Variants in IGDCC4 observed in about 807,000 individuals in gnomAD.
The protein encoded by IGDCC4 is immunoglobulin superfamily DCC subclass member 4.
Under a neutral mutation model 116.6 loss-of-function variants are expected in IGDCC4, and 72 were observed. The observed-to-expected ratio is 0.62, with a 90% CI of 0.51 to 0.75. The LOEUF (loss-of-function observed/expected upper bound fraction) is 0.75. Among genes scored for constraint, IGDCC4 ranks in the 30% least tolerant of loss-of-function variants. The pLI is 0.00. For missense variants in IGDCC4, 1,501 were observed against 1,662.4 expected (o/e 0.90, Z 1.69); for synonymous variants, 709 against 719.9 (o/e 0.98, Z 0.24).
chr15:65,386,473 C>T, intron 17 of IGDCC4, 78 bp downstream of exon 17: 1 of 1,268,968 alleles, frequency 7.9e-7, no homozygotes, highest in Non-Finnish European at 1.1e-6. Flanking sequence ...AAGTCATGGC[C>T]ACTTTCCCTG....
Position 65,385,950 on chromosome 15 carries a change from G to A in IGDCC4, c.3061C>T (p.Leu1021Phe), listed in dbSNP as rs1567079145. The change falls in exon 18 of 20, where the codon CTT (leucine) becomes TTT (phenylalanine). Residue 1021 changes from leucine (L) to phenylalanine (F), a missense_variant. By Grantham distance (22) the Leu-to-Phe change is conservative. Coordinates refer to ENST00000352385, the MANE Select transcript of IGDCC4 (RefSeq NM_020962.3). Reference protein sequence around the residue: ...SPPAAHELESLVHPHPQDWSP... With the variant: ...SPPAAHELESFVHPHPQDWSP... ...CAGTCCTGGGGATGGGGGTGCACAA[G>A]GGACTCCAATTCATGGGCAGCTGGG... 1.3e-5 allele frequency: 21 copies of A among 1,607,200 alleles called. No homozygotes were observed. Among genetic ancestry groups the A allele is most frequent in the Non-Finnish European group, 1.8e-5 (21 of 1,177,128 alleles).
intron 3 of IGDCC4, among the ~76,000 whole-genome samples, chr15:65,407,815 T>A (rs1201990990): frequency 2.0e-5 from 3 of 149,736 alleles, no homozygotes; most frequent in Non-Finnish European, 4.4e-5. Flanking sequence ...TTTTTTTTTT[T>A]AGTAGAGATA....
chr15:65,422,314 T>C (rs1044318319), intron 1 of IGDCC4, among the ~76,000 whole-genome samples: 1 of 151,802 alleles, frequency 6.6e-6, no homozygotes, highest in Non-Finnish European at 1.5e-5. Context: ...CTCAGCCCCA[T>C]AAACACAATT....
In IGDCC4 at chr15:65,411,171, AT is replaced by A; in HGVS notation, c.269del (p.Asn90MetfsTer10). The A allele has an allele frequency of 6.2e-7, 1 of 1,614,178 alleles. No individual in the cohort carries two copies. The highest frequency in any genetic ancestry group is 8.5e-7 in the Non-Finnish European group (1 of 1,180,028). On this transcript the variant is annotated frameshift_variant, in exon 2 of 20. Transcript: ENST00000352385. LOFTEE classifies it high-confidence loss of function. Reference protein sequence around the residue: ...LEHDHLHLLPNGSLWLSQPLA... With the variant: ...LEHDHLHLLPXGSLWLSQPLA... ...GTGGCTGGGACAGCCACAGGGAACCATTGGGCAGCAGGTGTAAGTGGTCGTG... is the reference window on the plus strand; with the variant it reads ...GTGGCTGGGACAGCCACAGGGAACCATGGGCAGCAGGTGTAAGTGGTCGTG...
intron 1 of IGDCC4, among the ~76,000 whole-genome samples, chr15:65,418,829 G>T (rs571430907): frequency 5.9e-5 from 9 of 152,176 alleles, no homozygotes; most frequent in Middle Eastern, 3.4e-3. Flanking sequence ...AGGTGGGGGG[G>T]GTTAAGTGGA....
Position 65,395,967 on chromosome 15 carries a change from C to A in IGDCC4, c.1194G>T (p.Gln398His). Residue 398 changes from glutamine to histidine, a missense_variant, in exon 7 of 20, where the codon CAG (glutamine) becomes CAT (histidine). Transcript: ENST00000352385. ...GSLVITQIGL[Q>H]DAGYYQCVAE... ...CCACGCACTGGTAGTAGCCGGCGTC[C>A]TGCAGGCCGATCTGTGTGATGACCA... 6.3e-7 allele frequency: 1 copy of A among 1,583,364 alleles called. No homozygotes were observed. Among genetic ancestry groups the A allele is most frequent in the Non-Finnish European group, 8.5e-7 (1 of 1,172,596 alleles).
At chr15:65,386,364 GCTCCCCTAAGTCCA>G (rs1327330886) in intron 17 of IGDCC4, among the ~76,000 whole-genome samples, 173 bp downstream of exon 17, 1 of 152,134 alleles carries the variant, frequency 6.6e-6, no homozygotes, top group Admixed American at 6.5e-5. Flanking sequence ...GTAGGCTGGG[GCTCCCCTAAGTCCA>G]CTCCCCATTC....
At position 65,382,988 on chromosome 15, in the gene IGDCC4, AG is replaced by A. The variant is rs2091415233; in HGVS notation, c.*1020del. 1 of 152,496 alleles carries A rather than the reference AG, an allele frequency of 6.6e-6. No individual in the cohort carries two copies. Among genetic ancestry groups the A allele is most frequent in the South Asian group, 2.1e-4 (1 of 4,826 alleles). The allele number at this position is 152,496 out of a possible 1,614,324, so 9.4% of individuals were successfully genotyped here. A position where few individuals can be genotyped will look rare whatever the true frequency, so the allele number is the denominator to read the frequency against. ...GAGAACCCTTGGATCCCAATCCCAA[AG>A]GCAAGATGCAGGGAAGCCAGAAGAT... On this transcript the variant is annotated 3_prime_UTR_variant, in exon 20 of 20. Transcript: ENST00000352385.
intron 3 of IGDCC4, among the ~76,000 whole-genome samples, chr15:65,403,891 A>G (rs759932046): frequency 7.2e-5 from 11 of 152,134 alleles, no homozygotes; most frequent in Non-Finnish European, 1.2e-4. Flanking sequence ...TGGAGACCAG[A>G]GTGGGCTCCG....
intron 1 of IGDCC4, among the ~76,000 whole-genome samples, chr15:65,412,758 C>A (rs1158100463): frequency 6.6e-6 from 1 of 151,840 alleles, no homozygotes. Context: ...CACAGGGAGA[C>A]CTCATCATTA....
At chr15:65,387,733 C>A (rs1415650527) in intron 16 of IGDCC4, among the ~76,000 whole-genome samples, 1 of 151,624 alleles carries the variant, frequency 6.6e-6, no homozygotes, top group East Asian at 1.9e-4. Context: ...GCCAGTCCTG[C>A]TGTCCACCTC....
intron 3 of IGDCC4, among the ~76,000 whole-genome samples, chr15:65,407,885 C>T (rs1002828637): frequency 1.3e-5 from 2 of 151,270 alleles, no homozygotes; most frequent in Non-Finnish European, 2.9e-5. Context: ...CCGCCCGCCT[C>T]AGCCTCCCAA....
intron 16 of IGDCC4, 21 bp downstream of exon 16, chr15:65,388,428 T>C (rs1203894799): frequency 1.2e-6 from 2 of 1,613,816 alleles, no homozygotes; most frequent in African/African-American, 1.3e-5. Flanking sequence ...CAGGGAAACC[T>C]GGGCTGCCCT....
chr15:65,388,717 C>G, intron 15 of IGDCC4, 91 bp downstream of exon 15: 2 of 1,595,942 alleles, frequency 1.3e-6, no homozygotes, highest in Non-Finnish European at 1.7e-6. Flanking sequence ...TCCCAGTAGC[C>G]CCTGGAACAA....
At chr15:65,399,203 A>G (rs923361039) in intron 5 of IGDCC4, among the ~76,000 whole-genome samples, 1 of 151,466 alleles carries the variant, frequency 6.6e-6, no homozygotes, top group African/African-American at 2.4e-5. Flanking sequence ...GGGCGCAGTG[A>G]CTCATGGCTG....
intron 3 of IGDCC4, among the ~76,000 whole-genome samples, chr15:65,403,202 G>A (rs140556029): frequency 2.6e-4 from 39 of 152,300 alleles, no homozygotes; most frequent in East Asian, 3.9e-4. Context: ...GGGTACATTC[G>A]CACAATGGAA....
At position 65,395,160 on chromosome 15, in the gene IGDCC4, C is replaced by G; in HGVS notation, c.1510G>C (p.Val504Leu). The change falls in exon 8 of 20, where the codon GTG becomes CTG. Residue 504 changes from valine to leucine, a missense_variant. Val to Leu is a conservative substitution (Grantham distance 32). Coordinates refer to ENST00000352385, the MANE Select transcript of IGDCC4 (RefSeq NM_020962.3). Reference protein sequence around the residue: ...EPNTDYEFYVVAYSQLGASRT... With the variant: ...EPNTDYEFYVLAYSQLGASRT... The stretch of plus-strand genomic sequence containing the variant: ...CTGGCTCCCAGCTGGGAGTAGGCCA[C>G]CACGTAGAACTCATAATCTGTGTTG... 6.2e-7 allele frequency: 1 copy of G among 1,613,942 alleles called. No individual in the cohort carries two copies. The highest frequency in any genetic ancestry group is 8.5e-7 in the Non-Finnish European group (1 of 1,179,916).
At chr15:65,419,666 G>T (rs2063172979) in intron 1 of IGDCC4, among the ~76,000 whole-genome samples, 1 of 152,168 alleles carries the variant, frequency 6.6e-6, no homozygotes, top group African/African-American at 2.4e-5. Flanking sequence ...GATGGGGGAG[G>T]TGAGGAGTTC....
chr15:65,411,149 G>A lies in IGDCC4; in HGVS notation c.292C>T (p.Pro98Ser). 6.2e-7 allele frequency: 1 copy of A among 1,613,614 alleles called. No homozygotes were observed. The highest frequency in any genetic ancestry group is 8.5e-7 in the Non-Finnish European group (1 of 1,179,934). ...LPNGSLWLSQ[P>S]LAPNGSDESV... is the part of the protein sequence containing the mutation. ...TCGTCACTGCCATTGGGTGCTAGTG[G>A]CTGGGACAGCCACAGGGAACCATTG... The change falls in exon 2 of 20, where the codon CCA (proline) becomes TCA (serine). Residue 98 changes from proline to serine, a missense_variant. This residue lies in a region of IGDCC4 where 898 missense variants were observed against 978.9 expected (regional missense o/e 0.92). Coordinates refer to ENST00000352385, the MANE Select transcript of IGDCC4 (RefSeq NM_020962.3).
Sources: allele counts gnomAD v4.1 joint callset (sites outside exome capture counted in the v4.1 genomes callset), GRCh38; gene constraint gnomAD v4.1.1; regional missense constraint gnomAD v4.1.1; transcripts MANE v1.5; gene names NCBI Gene and HGNC (gene_info 2026-07-23, HGNC 2026-07-21).